Variants in MLLT3 observed in about 807,000 individuals in gnomAD.
MLLT3 encodes protein AF-9.
MLLT3 carries 4 observed loss-of-function variants against 53.2 expected under a neutral mutation model. That is an observed-to-expected ratio of 0.08 (90% CI 0.04 to 0.17). The LOEUF is 0.17. Among genes scored for constraint, MLLT3 ranks in the 10% least tolerant of loss-of-function variants. The pLI, the probability that MLLT3 is intolerant of heterozygous loss-of-function variation, is 1.00. For missense variants in MLLT3, 569 were observed against 684.0 expected, an observed-to-expected ratio of 0.83 and a Z score of 1.87; for synonymous variants, 283 against 230.6, an observed-to-expected ratio of 1.23 and a Z score of -2.06.
intron 4 of MLLT3, chr9:20,415,543 T>C: frequency 8.2e-6 from 4 of 488,062 alleles, no homozygotes; most frequent in Non-Finnish European, 1.1e-5. Context: ...CTTGCTTACT[T>C]CCACTTCCTA....
rs529034544 is a variant in MLLT3 at position 20,352,429 on chromosome 9, G to A, written c.1575+1096C>T. 2.0e-5 allele frequency among the ~76,000 whole-genome samples: 3 copies of A among 152,252 alleles called. No homozygotes were observed. In the East Asian group the frequency reaches 5.8e-4, roughly 29 times the overall value. ...AAACAACGTTCGGTTCTTCAAAAGA[G>A]GCCTAAGAAGAATATTAGCAAAGTA... On this transcript the variant is annotated intron_variant, in intron 10 of 10. Transcript: ENST00000380338.
chr9:20,498,543 G>A (rs750105308), intron 2 of MLLT3, among the ~76,000 whole-genome samples: 2 of 152,078 alleles, frequency 1.3e-5, no homozygotes, highest in African/African-American at 2.4e-5. Flanking sequence ...CCAACCCGCC[G>A]ACCACAGGCC....
At chr9:20,495,948 A>C (rs1408071862) in intron 2 of MLLT3, among the ~76,000 whole-genome samples, 1 of 152,184 alleles carries the variant, frequency 6.6e-6, no homozygotes, top group Non-Finnish European at 1.5e-5. Flanking sequence ...AAGGATTTTC[A>C]TAAGACAATA....
chr9:20,523,828 AG>A (rs754609266), intron 2 of MLLT3, among the ~76,000 whole-genome samples: 1 of 152,094 alleles, frequency 6.6e-6, no homozygotes, highest in African/African-American at 2.4e-5. Context: ...AAAATTTGCC[AG>A]GCATTGTGGA....
At chr9:20,532,681 G>A in intron 2 of MLLT3, 1 of 266,390 alleles carries the variant, frequency 3.8e-6, no homozygotes, top group Admixed American at 4.4e-5. Flanking sequence ...CATTGGACAG[G>A]ATATGCAGCC....
Position 20,343,024 on chromosome 9 carries a change from T to C in MLLT3, c.*3419A>G. ...TCCAACACTGGACATCCAACTCCAT[T>C]AAGTAGGCAAAGTTAAAACATTTAA... is the stretch of plus-strand genomic sequence containing the variant. On this transcript the variant is annotated 3_prime_UTR_variant, in exon 11 of 11. Transcript: ENST00000380338. The C allele has an allele frequency of 5.3e-6, 1 of 187,368 alleles. No individual in the cohort carries two copies. Among genetic ancestry groups the C allele is most frequent in the Non-Finnish European group, 1.1e-5 (1 of 89,558 alleles). The allele number at this position is 187,368 out of a possible 1,614,324, so 11.6% of individuals were successfully genotyped here.
intron 10 of MLLT3, among the ~76,000 whole-genome samples, chr9:20,352,989 TC>T (rs914377725): frequency 4.6e-5 from 7 of 152,106 alleles, no homozygotes; most frequent in African/African-American, 1.7e-4. Flanking sequence ...AATAGAAGTT[TC>T]CCCACTCTAC....
At chr9:20,567,203 G>T (rs1587077928) in intron 2 of MLLT3, among the ~76,000 whole-genome samples, 1 of 147,542 alleles carries the variant, frequency 6.8e-6, no homozygotes, top group Admixed American at 6.8e-5. Context: ...AAAAAGTAGG[G>T]CTGAAAAAAT....
intron 5 of MLLT3, among the ~76,000 whole-genome samples, chr9:20,369,064 G>A (rs1821526823): frequency 5.3e-5 from 8 of 152,164 alleles, no homozygotes; most frequent in Admixed American, 1.3e-4. Context: ...GTAGGTTGAG[G>A]GACATGGGTG....
At chr9:20,372,568 T>A (rs889750267) in intron 5 of MLLT3, among the ~76,000 whole-genome samples, 55 of 141,940 alleles carry the variant, frequency 3.9e-4, no homozygotes, top group Non-Finnish European at 6.8e-4. Flanking sequence ...TTTTTTTTTT[T>A]TTTTTTTTTT....
At chr9:20,557,867 C>T (rs1325427673) in intron 2 of MLLT3, among the ~76,000 whole-genome samples, 2 of 152,174 alleles carry the variant, frequency 1.3e-5, no homozygotes, top group African/African-American at 4.8e-5. Flanking sequence ...GTCACACTTT[C>T]TATTCCCAGG....
chr9:20,442,303 G>A (rs1823575123), intron 4 of MLLT3, among the ~76,000 whole-genome samples: 1 of 152,120 alleles, frequency 6.6e-6, no homozygotes, highest in Non-Finnish European at 1.5e-5. Flanking sequence ...GGCAGGAAAT[G>A]TGTAGATGTC....
At chr9:20,486,006 CCA>C (rs952979396) in intron 2 of MLLT3, among the ~76,000 whole-genome samples, 7 of 152,070 alleles carry the variant, frequency 4.6e-5, no homozygotes, top group Non-Finnish European at 7.4e-5. Flanking sequence ...ATAAGAATTT[CCA>C]CACAGAGATG....
At chr9:20,412,179 C>T (rs992076254) in intron 5 of MLLT3, among the ~76,000 whole-genome samples, 2 of 152,180 alleles carry the variant, frequency 1.3e-5, no homozygotes, top group Non-Finnish European at 2.9e-5. Flanking sequence ...CACAACCCAA[C>T]AGCATTTCAG....
At chr9:20,525,374 T>A (rs1002391889) in intron 2 of MLLT3, among the ~76,000 whole-genome samples, 1 of 152,126 alleles carries the variant, frequency 6.6e-6, no homozygotes, top group African/African-American at 2.4e-5. Context: ...CGTGCACATG[T>A]AATCCCAGCT....
At chr9:20,466,016 T>A (rs1312253173) in intron 2 of MLLT3, among the ~76,000 whole-genome samples, 2 of 152,102 alleles carry the variant, frequency 1.3e-5, no homozygotes, top group South Asian at 2.1e-4. Flanking sequence ...AAACCCTACA[T>A]CCTTGCAAGC....
At chr9:20,509,916 G>A (rs771535752) in intron 2 of MLLT3, among the ~76,000 whole-genome samples, 3 of 150,760 alleles carry the variant, frequency 2.0e-5, no homozygotes, top group Non-Finnish European at 4.4e-5. Context: ...ACAAACTTAG[G>A]CAGGCCAGTT....
Position 20,620,289 on chromosome 9 carries a change from ACACACG to A in MLLT3, c.193+359_193+364del, listed in dbSNP as rs1181767405. ...CACACACACACACACACACACACAC[ACACACG>A]CGCAAAGTGTTTATTCCCTCCAGCC... On this transcript the variant is annotated intron_variant, in intron 2 of 10. Coordinates refer to ENST00000380338, the MANE Select transcript of MLLT3 (RefSeq NM_004529.4). The surrounding 1 kb of genome is among the most constrained non-coding windows in gnomAD (Gnocchi z 6.1). 1.5e-5 allele frequency among the ~76,000 whole-genome samples: 2 copies of A among 134,376 alleles called. No homozygotes were observed. Among genetic ancestry groups the A allele is most frequent in the Non-Finnish European group, 3.2e-5 (2 of 61,998 alleles). The allele number at this position is 134,376 out of a possible 152,430, so 88.2% of individuals were successfully genotyped here.
chr9:20,475,175 T>G (rs924621408), intron 2 of MLLT3, among the ~76,000 whole-genome samples: 1 of 151,988 alleles, frequency 6.6e-6, no homozygotes, highest in Non-Finnish European at 1.5e-5. Context: ...GTGAAGTTAT[T>G]TGTGATGGGA....
Sources: allele counts gnomAD v4.1 joint callset (sites outside exome capture counted in the v4.1 genomes callset), GRCh38; gene constraint gnomAD v4.1.1; non-coding constraint Gnocchi (gnomAD v3.1); transcripts MANE v1.5; gene names NCBI Gene and HGNC (gene_info 2026-07-23, HGNC 2026-07-21).